The following PCDHGA6 variants were observed in gnomAD, a reference collection of about 807,000 sequenced individuals.
The protein encoded by PCDHGA6 is protocadherin gamma subfamily A, 6, also known as protocadherin gamma-A6.
A neutral mutation model predicts 60.6 loss-of-function variants in PCDHGA6; 41 were observed. The observed-to-expected ratio is 0.68, with a 90% CI of 0.53 to 0.88. The LOEUF (loss-of-function observed/expected upper bound fraction) is 0.88. Among genes scored for constraint, PCDHGA6 ranks in the 40% least tolerant of loss-of-function variants. The pLI, the probability that PCDHGA6 is intolerant of heterozygous loss-of-function variation, is 0.00. For synonymous variants in PCDHGA6, 594 were observed against 524.4 expected, an observed-to-expected ratio of 1.13 and a Z score of -1.81; for missense variants, 1,312 against 1,203.0, an observed-to-expected ratio of 1.09 and a Z score of -1.34.
chr5:141,374,783 G>A lies in PCDHGA6; in HGVS notation c.700G>A (p.Asp234Asn). 1 of 1,613,908 alleles carries A rather than the reference G, an allele frequency of 6.2e-7. No homozygotes were observed. The highest frequency in any genetic ancestry group is 8.5e-7 in the Non-Finnish European group (1 of 1,179,840). ...CGCCCAAATTCTGGTAACAGTTCTA[G>A]ATGTGAATGACAACACTCCAATGTT... ...SVAQILVTVL[D>N]VNDNTPMFTQ... The change falls in exon 1 of 4, where the codon GAT becomes AAT. Residue 234 changes from aspartate to asparagine, a missense_variant. Asp to Asn is a conservative substitution (Grantham distance 23, BLOSUM62 1). Transcript: ENST00000517434.
chr5:141,389,249 T>A, intron 1 of PCDHGA6: 1 of 1,614,064 alleles, frequency 6.2e-7, no homozygotes, highest in Non-Finnish European at 8.5e-7. Flanking sequence ...AGTCTTCCTA[T>A]ATAGTCCACG....
intron 1 of PCDHGA6, chr5:141,398,495 T>G: frequency 1.2e-6 from 2 of 1,610,214 alleles, no homozygotes; most frequent in Non-Finnish European, 1.7e-6. Context: ...AATGTGGAGA[T>G]CGAGGACATT....
intron 1 of PCDHGA6, among the ~76,000 whole-genome samples, chr5:141,380,102 G>C (rs1776217775): frequency 6.6e-6 from 1 of 151,848 alleles, no homozygotes; most frequent in Non-Finnish European, 1.5e-5. Flanking sequence ...GTTTTACCAT[G>C]ATGGCCAGGC....
chr5:141,472,980 C>CAAAAAAAAAAAAAAAAAAAAAAAAAAAA (rs60579131), intron 1 of PCDHGA6, among the ~76,000 whole-genome samples: 1 of 86,106 alleles, frequency 1.2e-5, no homozygotes, highest in Non-Finnish European at 2.5e-5. Flanking sequence ...GAGTGAAACT[C>CAAAAAAAAAAAAAAAAAAAAAAAAAAAA]AAAAAAAAAA....
chr5:141,421,561 G>T (rs2096583505), intron 1 of PCDHGA6: 1 of 1,613,992 alleles, frequency 6.2e-7, no homozygotes, highest in Non-Finnish European at 8.5e-7. Context: ...ACTTCTCGTG[G>T]AAGACACCTT....
intron 1 of PCDHGA6, among the ~76,000 whole-genome samples, chr5:141,464,913 A>T (rs1035542028): frequency 1.3e-4 from 19 of 151,426 alleles, no homozygotes; most frequent in Admixed American, 1.2e-3. Context: ...TAATTTTTTT[A>T]TTTTTTTGTA....
In PCDHGA6 at chr5:141,423,740, GA is replaced by G. The variant is rs778655137; in HGVS notation, c.2424+47237del. 7 of 698,952 alleles carry G rather than the reference GA, an allele frequency of 1.0e-5. No individual in the cohort carries two copies. The African/African-American group carries it at 1.9e-4, about 19-fold the overall frequency. The allele number at this position is 698,952 out of a possible 1,614,324, so 43.3% of individuals were successfully genotyped here. ...AGGAGATGTTTTTTGAGCCTGTTAT[GA>G]AAACTGTTTGGGGGGGGGGTGGGGC... On this transcript the variant is annotated intron_variant, in intron 1 of 3. Coordinates refer to ENST00000517434, the MANE Select transcript of PCDHGA6 (RefSeq NM_018919.3).
At chr5:141,407,767 G>T (rs1458257073) in intron 1 of PCDHGA6, among the ~76,000 whole-genome samples, 1 of 152,140 alleles carries the variant, frequency 6.6e-6, no homozygotes, top group Non-Finnish European at 1.5e-5. Context: ...GTTTGAAATT[G>T]TGCATAATAG....
At chr5:141,449,588 CAAAAAAA>C (rs768743917) in intron 1 of PCDHGA6, among the ~76,000 whole-genome samples, 5 of 57,506 alleles carry the variant, frequency 8.7e-5, no homozygotes, top group Admixed American at 3.6e-4. Flanking sequence ...GACTCTGTCT[CAAAAAAA>C]AAAAAAAAAA....
At chr5:141,389,582 T>G (rs1266016569) in intron 1 of PCDHGA6, 7 of 1,613,028 alleles carry the variant, frequency 4.3e-6, no homozygotes, top group Non-Finnish European at 5.1e-6. Flanking sequence ...CCGCGCTGGG[T>G]CCCGACGGCT....
intron 1 of PCDHGA6, chr5:141,409,838 G>A: frequency 1.2e-6 from 2 of 1,611,532 alleles, no homozygotes; most frequent in Non-Finnish European, 1.7e-6. Context: ...CAGCGCCAAC[G>A]TGAGCCTGCG....
chr5:141,437,116 GA>G (rs914218907), intron 1 of PCDHGA6, among the ~76,000 whole-genome samples: 4 of 152,150 alleles, frequency 2.6e-5, no homozygotes, highest in African/African-American at 9.7e-5. Flanking sequence ...GGATTTTTAG[GA>G]CACTTGTTGA....
At chr5:141,471,786 A>G (rs1043196530) in intron 1 of PCDHGA6, among the ~76,000 whole-genome samples, 6 of 152,244 alleles carry the variant, frequency 3.9e-5, no homozygotes, top group African/African-American at 1.4e-4. Flanking sequence ...ACATTATGCT[A>G]TGTCATATAA....
At chr5:141,420,417 A>C (rs112493756) in intron 1 of PCDHGA6, 20 of 1,211,742 alleles carry the variant, frequency 1.7e-5, no homozygotes, top group Admixed American at 1.1e-4. Flanking sequence ...ATCATTATTA[A>C]AACAAAAGTT....
chr5:141,500,309 C>T (rs777434466), intron 2 of PCDHGA6, among the ~76,000 whole-genome samples: 2 of 151,602 alleles, frequency 1.3e-5, no homozygotes, highest in Non-Finnish European at 2.9e-5. Flanking sequence ...CCCAGGTTCA[C>T]GCCATGCTCC....
rs201006002 is a variant in PCDHGA6, at chr5:141,432,497, C to G, written c.2424+55990C>G. Reference sequence around the variant, plus strand: ...TTCCACTGGCGTGGAGCTGGCTCCCCGCTCCGCAGAGCCCGGCTACCTGGT... The same window carrying G: ...TTCCACTGGCGTGGAGCTGGCTCCCGGCTCCGCAGAGCCCGGCTACCTGGT... On this transcript the variant is annotated intron_variant, in intron 1 of 3. Transcript: ENST00000517434. This position sits in a 1 kb window ranked among gnomAD's most constrained non-coding sequence, Gnocchi z 6.0. The G allele has an allele frequency of 1.1e-5, 18 of 1,614,182 alleles. No homozygotes were observed. In the East Asian group the frequency reaches 4.0e-4, roughly 36 times the overall value.
At chr5:141,384,532 A>T (rs766404100) in intron 1 of PCDHGA6, 1 of 1,614,238 alleles carries the variant, frequency 6.2e-7, no homozygotes, top group South Asian at 1.1e-5. Flanking sequence ...TCTCAGCAGC[A>T]ACATGTCACT....
chr5:141,409,178 G>A, intron 1 of PCDHGA6: 1 of 1,613,994 alleles, frequency 6.2e-7, no homozygotes, highest in Non-Finnish European at 8.5e-7. Context: ...GGACGGAGGT[G>A]GTCTCTCTAC....
chr5:141,458,165 A>T lies in PCDHGA6; in HGVS notation c.2425-36642A>T, dbSNP rs10075475. On this transcript the variant is annotated intron_variant, in intron 1 of 3. Coordinates refer to ENST00000517434, the MANE Select transcript of PCDHGA6 (RefSeq NM_018919.3). Reference sequence around the variant, plus strand: ...TGAACATGCTCCAAATTTTGTTCACAGTAGTATACCTTACTTGATTATTAA... The same window carrying T: ...TGAACATGCTCCAAATTTTGTTCACTGTAGTATACCTTACTTGATTATTAA... Among the ~76,000 whole-genome samples the T allele has an allele frequency of 2.4e-3, 368 of 152,356 alleles. 2 individuals carry two copies. The highest frequency in any genetic ancestry group is 8.5e-3 in the African/African-American group (354 of 41,588).
Sources: gnomAD v4.1 joint callset for allele counts (sites outside exome capture counted in the v4.1 genomes callset) on GRCh38, gnomAD v4.1.1 for gene constraint, Gnocchi (gnomAD v3.1) non-coding constraint, MANE v1.5 for transcripts, NCBI Gene and HGNC (gene_info 2026-07-23, HGNC 2026-07-21) for gene names.